Variants in ELF1 observed in about 807,000 individuals in gnomAD.
The protein encoded by ELF1 is E74 like ETS transcription factor 1, also known as ETS-related transcription factor Elf-1.
ELF1 carries 24 observed loss-of-function variants against 59.9 expected under a neutral mutation model. The ratio of observed to expected loss-of-function variants is 0.40; its 90% CI spans 0.29 to 0.56. ELF1 has a LOEUF of 0.56. Among genes scored for constraint, ELF1 ranks in the 20% least tolerant of loss-of-function variants. The probability of loss-of-function intolerance (pLI) is 0.44; values close to 1 mark genes in which losing one functional copy is unlikely to be tolerated. For missense variants in ELF1, 627 were observed against 742.2 expected (o/e 0.84, Z 1.80); for synonymous variants, 248 against 266.2 (o/e 0.93, Z 0.67).
intron 8 of ELF1, among the ~76,000 whole-genome samples, chr13:40,940,518 C>T: frequency 1.3e-5 from 2 of 151,306 alleles, no homozygotes; most frequent in East Asian, 2.0e-4. Context: ...ATAGGATCTT[C>T]CAAGGAATAA....
chr13:41,014,078 T>C (rs1456800176), intron 1 of ELF1, among the ~76,000 whole-genome samples: 1 of 152,054 alleles, frequency 6.6e-6, no homozygotes, highest in Non-Finnish European at 1.5e-5. Flanking sequence ...GCTTCTAATA[T>C]ATAGAGTAGA....
At chr13:40,996,060 T>C (rs934892917) in intron 1 of ELF1, among the ~76,000 whole-genome samples, 2 of 152,120 alleles carry the variant, frequency 1.3e-5, no homozygotes. Flanking sequence ...GATTAGCATA[T>C]GAAAAGAAGC....
intron 3 of ELF1, among the ~76,000 whole-genome samples, chr13:40,952,615 T>C (rs1870927144): frequency 6.6e-6 from 1 of 152,130 alleles, no homozygotes; most frequent in Admixed American, 6.5e-5. Flanking sequence ...AGCCAGGCCT[T>C]GAATTCCTGG....
chr13:40,966,060 T>C (rs1190850536), intron 2 of ELF1, among the ~76,000 whole-genome samples: 2 of 152,230 alleles, frequency 1.3e-5, no homozygotes, highest in Admixed American at 1.3e-4. Context: ...TCTGGGATAT[T>C]AGTAATTCAA....
At chr13:41,049,977 T>A (rs952081328) in intron 1 of ELF1, among the ~76,000 whole-genome samples, 1 of 152,234 alleles carries the variant, frequency 6.6e-6, no homozygotes, top group African/African-American at 2.4e-5. Context: ...ATAATGTGCA[T>A]AGAGTATCCA....
upstream of ELF1, chr13:41,019,327 T>C: frequency 1.0e-6 from 1 of 985,404 alleles, no homozygotes; most frequent in Non-Finnish European, 1.2e-6. Context: ...GGGGAAGTGG[T>C]GTCTGTGCTT....
intron 3 of ELF1, among the ~76,000 whole-genome samples, chr13:40,952,233 A>G (rs67224025): frequency 0.19 from 28,818 of 152,116 alleles, 3,058 homozygotes; most frequent in African/African-American, 0.27. Context: ...CTGAGTAGTC[A>G]TATCTGGAGG....
At chr13:40,988,393 C>T (rs9566644) in intron 1 of ELF1, among the ~76,000 whole-genome samples, 28,055 of 152,116 alleles carry the variant, frequency 0.18, 2,769 homozygotes, top group East Asian at 0.26. Flanking sequence ...TCTATATTAA[C>T]AGAACTTCAT....
intron 1 of ELF1, among the ~76,000 whole-genome samples, chr13:41,046,481 T>A (rs1421454157): frequency 6.6e-6 from 1 of 152,220 alleles, no homozygotes; most frequent in Non-Finnish European, 1.5e-5. Flanking sequence ...GCAGGCCTGG[T>A]GGTGACAAAA....
chr13:40,955,341 A>C (rs866554865), intron 3 of ELF1, among the ~76,000 whole-genome samples: 2 of 126,954 alleles, frequency 1.6e-5, no homozygotes, highest in Admixed American at 7.5e-5. Context: ...TTAGCCCCCC[A>C]CCCGGCCAGC....
At chr13:41,010,429 C>T (rs945362157) in intron 1 of ELF1, among the ~76,000 whole-genome samples, 3 of 151,210 alleles carry the variant, frequency 2.0e-5, no homozygotes, top group African/African-American at 2.4e-5. Context: ...CTAGCCTAGG[C>T]GAGAGGGCTA....
chr13:40,933,928 C>T lies in ELF1; in HGVS notation c.1357G>A (p.Ala453Thr), dbSNP rs1869590272. Residue 453 changes from alanine (A) to threonine (T), a missense_variant, in exon 9 of 9, where the codon GCC becomes ACC. Coordinates refer to ENST00000239882, the MANE Select transcript of ELF1 (RefSeq NM_172373.4). ...LQTVPLTTVI[A>T]STDPSAGTGS... Reference sequence around the variant, plus strand: ...GTACCTGCTGATGGATCTGTGCTGGCTATAACTGTTGTGAGTGGCACTGTT... The same window carrying T: ...GTACCTGCTGATGGATCTGTGCTGGTTATAACTGTTGTGAGTGGCACTGTT... 1.9e-6 allele frequency: 3 copies of T among 1,614,100 alleles called. No homozygotes were observed. The highest frequency in any genetic ancestry group is 1.7e-6 in the Non-Finnish European group (2 of 1,180,052).
chr13:40,935,504 G>A (rs1285669808), intron 8 of ELF1, among the ~76,000 whole-genome samples: 2 of 152,104 alleles, frequency 1.3e-5, no homozygotes, highest in African/African-American at 2.4e-5. Flanking sequence ...TTCAGGACAC[G>A]TTCAAAAGAA....
At chr13:40,960,987 G>T (rs748888706) in intron 2 of ELF1, among the ~76,000 whole-genome samples, 1 of 152,134 alleles carries the variant, frequency 6.6e-6, no homozygotes, top group East Asian at 1.9e-4. Flanking sequence ...CTTCTTAAAT[G>T]TAAGAAAAAG....
rs147878914 is a variant in ELF1 at position 40,933,451 on chromosome 13, C to A, written c.1834G>T (p.Glu612Ter). 6.2e-7 allele frequency: 1 copy of A among 1,613,316 alleles called. No individual in the cohort carries two copies. Among genetic ancestry groups the A allele is most frequent in the East Asian group, 2.2e-5 (1 of 44,884 alleles). ...TAAAAAGAGTTGGGTTCCAGCAGTT[C>A]GTTTTGTTTCATAGCTACCTGAGAA... ...FTSQVAMKQN[E>*]LLEPNSF is the part of the protein sequence containing the mutation. The change falls in exon 9 of 9, where the codon GAA (glutamate) becomes TAA (stop). Residue 612 changes from glutamate (E) to a stop codon, truncating the protein, a stop_gained. Transcript: ENST00000239882. LOFTEE classifies it high-confidence loss of function.
rs1169464903 is a variant in ELF1 at position 40,992,868 on chromosome 13, G to GAGGTC, written c.-228-10587_-228-10586insGACCT. The GAGGTC allele has an allele frequency of 5.2e-6, 3 of 576,938 alleles. No individual in the cohort carries two copies. The African/African-American group carries it at 5.7e-5, about 11-fold the overall frequency. 35.7% of individuals were successfully genotyped at this position (576,938 alleles called of 1,614,324 possible). ...CTCTAACTCAAGAATTCTCTAGCTCGAGAATCAAGACTGACCTCTTTTGGT... is the reference window on the plus strand; with the variant it reads ...CTCTAACTCAAGAATTCTCTAGCTCGAGGTCAGAATCAAGACTGACCTCTTTTGGT... On this transcript the variant is annotated intron_variant, in intron 1 of 8. Transcript: ENST00000239882.
chr13:40,958,631 G>A (rs1372733816), intron 3 of ELF1, among the ~76,000 whole-genome samples: 1 of 152,032 alleles, frequency 6.6e-6, no homozygotes, highest in Non-Finnish European at 1.5e-5. Context: ...ATTTAGGAAA[G>A]GAGAAATGGG....
At chr13:40,958,731 G>A (rs1247077626) in intron 3 of ELF1, 105 bp downstream of exon 3, 1 of 1,435,212 alleles carries the variant, frequency 7.0e-7, no homozygotes, top group African/African-American at 1.4e-5. Context: ...AGGTAATACA[G>A]TTTAAAACCA....
chr13:40,975,975 T>C (rs556903784), intron 2 of ELF1, among the ~76,000 whole-genome samples: 2 of 152,310 alleles, frequency 1.3e-5, no homozygotes, highest in East Asian at 3.9e-4. Context: ...GTAATGTGTA[T>C]ATGAAAATTT....
Sources: gnomAD v4.1 joint callset for allele counts (sites outside exome capture counted in the v4.1 genomes callset) on GRCh38, gnomAD v4.1.1 for gene constraint, MANE v1.5 for transcripts, NCBI Gene and HGNC (gene_info 2026-07-23, HGNC 2026-07-21) for gene names.